RIMS1: variants seen among roughly 807,000 people sequenced by gnomAD.
RIMS1 encodes regulating synaptic membrane exocytosis protein 1.
Under a neutral mutation model 214.1 loss-of-function variants are expected in RIMS1, and 83 were observed. The ratio of observed to expected loss-of-function variants is 0.39; its 90% CI spans 0.32 to 0.47. The LOEUF (loss-of-function observed/expected upper bound fraction) is 0.47, where lower values mean the gene tolerates loss of function less well. Among genes scored for constraint, RIMS1 ranks in the 20% least tolerant of loss-of-function variants. The probability of loss-of-function intolerance (pLI) is 0.99; values close to 1 mark genes in which losing one functional copy is unlikely to be tolerated. For missense variants in RIMS1, 2,050 were observed against 2,161.8 expected, an observed-to-expected ratio of 0.95 and a Z score of 1.03; for synonymous variants, 793 against 786.8, an observed-to-expected ratio of 1.01 and a Z score of -0.13.
intron 4 of RIMS1, among the ~76,000 whole-genome samples, chr6:72,138,102 G>A (rs2041600027): frequency 6.6e-6 from 1 of 152,034 alleles, no homozygotes; most frequent in Non-Finnish European, 1.5e-5. Context: ...ATGTATATGT[G>A]TATAGACGGT....
chr6:72,381,703 T>C (rs546288610), intron 29 of RIMS1, among the ~76,000 whole-genome samples: 16 of 152,344 alleles, frequency 1.1e-4, no homozygotes, highest in African/African-American at 3.8e-4. Flanking sequence ...AACATTTTGC[T>C]GAAAATGTAA....
intron 6 of RIMS1, among the ~76,000 whole-genome samples, chr6:72,210,571 G>A (rs184491182): frequency 6.6e-6 from 1 of 152,286 alleles, no homozygotes; most frequent in Admixed American, 6.5e-5. Flanking sequence ...TCTACTTAGT[G>A]CGGATTTATT....
At position 72,179,691 on chromosome 6, in the gene RIMS1, A is replaced by G. The variant is rs763536779; in HGVS notation, c.588A>G (p.Thr196=). The change falls in exon 5 of 34, where the codon ACA becomes ACG. Residue 196 remains threonine (T), a synonymous_variant. Coordinates refer to ENST00000521978, the MANE Select transcript of RIMS1 (RefSeq NM_014989.7). ...QTSQDGTLSD[T]ATGAGSEVPR... ...GTCAGGATGGAACCCTGAGTGATAC[A>G]GCTACAGGTGCTGGCTCTGAGGTAC... The G allele has an allele frequency of 2.5e-6, 4 of 1,613,836 alleles. No homozygotes were observed. Among genetic ancestry groups the G allele is most frequent in the Non-Finnish European group, 3.4e-6 (4 of 1,179,904 alleles).
At chr6:71,907,809 T>C (rs902713924) in intron 1 of RIMS1, among the ~76,000 whole-genome samples, 69 of 152,188 alleles carry the variant, frequency 4.5e-4, no homozygotes, top group African/African-American at 1.6e-3. Context: ...CTGTGTTTTG[T>C]TGGTGAAACT....
chr6:72,027,481 AT>A (rs1350087060), intron 2 of RIMS1, among the ~76,000 whole-genome samples: 1 of 152,178 alleles, frequency 6.6e-6, no homozygotes, highest in Non-Finnish European at 1.5e-5. Flanking sequence ...TAATATATAT[AT>A]ATCAAAGCAG....
Position 72,182,890 on chromosome 6 carries a change from G to C in RIMS1, c.1419G>C (p.Gln473His), listed in dbSNP as rs1430602873. 3.0e-5 allele frequency: 47 copies of C among 1,569,970 alleles called. No individual in the cohort carries two copies. Among genetic ancestry groups the C allele is most frequent in the Non-Finnish European group, 3.1e-5 (36 of 1,159,256 alleles). ...ELKAQEPLRKQSRLDPSSAVL... is the reference protein window; with the variant it reads ...ELKAQEPLRKHSRLDPSSAVL... ...AAGCCCAGGAGCCCCTCAGGAAGCA[G>C]AGCCGCCTGGACCCCAGCTCGGCGG... Residue 473 changes from glutamine to histidine, a missense_variant, in exon 6 of 34, where the codon CAG becomes CAC. Physicochemically the swap from Gln to His is conservative, Grantham distance 24 (BLOSUM62 0). Around this residue, in one of 6 missense-constraint regions of RIMS1, gnomAD observed 882 missense variants for 828.9 expected, o/e 1.06. Coordinates refer to ENST00000521978, the MANE Select transcript of RIMS1 (RefSeq NM_014989.7).
At chr6:72,236,197 A>C (rs1189867713) in intron 8 of RIMS1, among the ~76,000 whole-genome samples, 2 of 152,142 alleles carry the variant, frequency 1.3e-5, no homozygotes, top group Non-Finnish European at 2.9e-5. Flanking sequence ...TATTCTCTTC[A>C]TTTTAAATTA....
intron 6 of RIMS1, among the ~76,000 whole-genome samples, chr6:72,208,647 T>C (rs1302833380): frequency 1.3e-5 from 2 of 152,176 alleles, no homozygotes; most frequent in Non-Finnish European, 2.9e-5. Context: ...AAAGGTCTCC[T>C]GTAGGTAATG....
intron 2 of RIMS1, among the ~76,000 whole-genome samples, chr6:71,983,468 C>T (rs1799025316): frequency 6.6e-6 from 1 of 152,060 alleles, no homozygotes; most frequent in Admixed American, 6.6e-5. Context: ...TTGACATAAA[C>T]TTGATTTTTT....
chr6:72,183,824 A>G (rs1027753765), intron 6 of RIMS1, among the ~76,000 whole-genome samples: 1 of 152,186 alleles, frequency 6.6e-6, no homozygotes, highest in Non-Finnish European at 1.5e-5. Context: ...ATATATAGAT[A>G]CTAGTCTGTT....
At chr6:72,359,146 T>C (rs1045881044) in intron 29 of RIMS1, among the ~76,000 whole-genome samples, 4 of 152,174 alleles carry the variant, frequency 2.6e-5, no homozygotes, top group Admixed American at 2.6e-4. Context: ...AAATACAGTT[T>C]ATCAGAAAGA....
chr6:72,040,689 C>G (rs12526614), intron 2 of RIMS1, among the ~76,000 whole-genome samples: 17,711 of 151,868 alleles, frequency 0.12, 1,200 homozygotes, highest in South Asian at 0.18. Context: ...GTACCATACA[C>G]TAGCACCTAA....
At chr6:72,053,312 A>G (rs1825241614) in intron 2 of RIMS1, among the ~76,000 whole-genome samples, 1 of 152,136 alleles carries the variant, frequency 6.6e-6, no homozygotes, top group Non-Finnish European at 1.5e-5. Flanking sequence ...TAGATGGCAT[A>G]TTTACGTTGC....
intron 6 of RIMS1, chr6:72,213,232 A>G (rs1379947776): frequency 2.0e-6 from 3 of 1,533,104 alleles, no homozygotes; most frequent in Non-Finnish European, 1.7e-6. Flanking sequence ...GGTAAGCAAT[A>G]GATAATGGTA....
At position 72,076,668 on chromosome 6, in the gene RIMS1, A is replaced by G. The variant is rs548462757; in HGVS notation, c.246-20281A>G. On this transcript the variant is annotated intron_variant, in intron 2 of 33. Transcript: ENST00000521978. ...ACAGAGCTAGTAAGTGGTTAAAAAT[A>G]AAGTGCGCTCCAGAGACTTCCAGGG... Among the ~76,000 whole-genome samples, 6 of 152,338 alleles carry G rather than the reference A, an allele frequency of 3.9e-5. No individual in the cohort carries two copies. In the South Asian group the frequency reaches 1.0e-3, roughly 26 times the overall value.
chr6:72,346,108 G>A (rs959660220), intron 29 of RIMS1, among the ~76,000 whole-genome samples: 3 of 151,668 alleles, frequency 2.0e-5, no homozygotes, highest in Non-Finnish European at 4.4e-5. Flanking sequence ...AACCATAAAT[G>A]GTACCTACCT....
At chr6:72,192,579 G>A (rs183789716) in intron 6 of RIMS1, among the ~76,000 whole-genome samples, 9 of 152,280 alleles carry the variant, frequency 5.9e-5, no homozygotes, top group East Asian at 1.9e-4. Flanking sequence ...GAATGCAGTA[G>A]GCGTCCTATC....
Position 71,974,080 on chromosome 6 carries a change from A to G in RIMS1, c.245+5017A>G, listed in dbSNP as rs1441271520. On this transcript the variant is annotated intron_variant, in intron 2 of 33. Transcript: ENST00000521978. ...CTGTCCCATGGGAAGTTGTTTCACC[A>G]GGAGGCAGTTGTATGAGGTAGATCT... Among the ~76,000 whole-genome samples, 10 of 152,296 alleles carry G rather than the reference A, an allele frequency of 6.6e-5. No individual in the cohort carries two copies. In the East Asian group the frequency reaches 1.5e-3, roughly 24 times the overall value.
At chr6:72,135,051 G>A (rs111932584) in intron 4 of RIMS1, among the ~76,000 whole-genome samples, 1,697 of 152,202 alleles carry the variant, frequency 0.011, 10 homozygotes, top group Non-Finnish European at 0.017. Flanking sequence ...GGATCAAAAT[G>A]CTGCATAGAA....
Sources: gnomAD v4.1 joint callset for allele counts (sites outside exome capture counted in the v4.1 genomes callset) on GRCh38, gnomAD v4.1.1 for gene constraint, gnomAD v4.1.1 regional missense constraint, MANE v1.5 for transcripts, NCBI Gene and HGNC (gene_info 2026-07-23, HGNC 2026-07-21) for gene names.